Variants in STPG2 observed in about 807,000 individuals in gnomAD.
STPG2 encodes the protein sperm tail PG-rich repeat containing 2, also known as sperm-tail PG-rich repeat-containing protein 2.
A neutral mutation model predicts 54.2 loss-of-function variants in STPG2; 56 were observed. That is an observed-to-expected ratio of 1.03 (90% CI 0.83 to 1.29). The LOEUF (loss-of-function observed/expected upper bound fraction) is 1.29. STPG2 is among the 50% of genes most tolerant of loss of function. The probability of loss-of-function intolerance (pLI) is 0.00; values close to 1 mark genes in which losing one functional copy is unlikely to be tolerated. For missense variants in STPG2, 596 were observed against 544.9 expected, an observed-to-expected ratio of 1.09 and a Z score of -0.93; for synonymous variants, 200 against 181.8, an observed-to-expected ratio of 1.10 and a Z score of -0.81.
chr4:97,878,827 A>G (rs1730269672), intron 8 of STPG2, among the ~76,000 whole-genome samples: 1 of 152,210 alleles, frequency 6.6e-6, no homozygotes, highest in East Asian at 1.9e-4. Context: ...TCTCCTCAGA[A>G]AATGGGTTTT....
intron 9 of STPG2, among the ~76,000 whole-genome samples, chr4:97,775,825 A>T (rs531596797): frequency 6.6e-6 from 1 of 152,188 alleles, no homozygotes; most frequent in Non-Finnish European, 1.5e-5. Context: ...TCAGTGGCAC[A>T]GTCTTGGCTC....
rs536969536 is a variant in STPG2 at position 97,551,422 on chromosome 4, G to A, written c.462+161277C>T. 3.3e-5 allele frequency among the ~76,000 whole-genome samples: 5 copies of A among 152,290 alleles called. No homozygotes were observed. In the East Asian group the frequency reaches 9.7e-4, roughly 29 times the overall value. On this transcript the variant is annotated intron_variant, in intron 4 of 4. Transcript: ENST00000522676. The stretch of plus-strand genomic sequence containing the variant: ...TAGTAACTAAAGATATTTTGAAACT[G>A]AGTAATGTGTACAAAGCTCTATCTA...
At chr4:97,475,612 C>A (rs1442186779) in intron 4 of STPG2, among the ~76,000 whole-genome samples, 1 of 151,990 alleles carries the variant, frequency 6.6e-6, no homozygotes, top group African/African-American at 2.4e-5. Context: ...ACAGGTCCTA[C>A]ATGGGTTTTC....
At chr4:97,598,325 A>G (rs1427613378) in intron 10 of STPG2, among the ~76,000 whole-genome samples, 1 of 152,176 alleles carries the variant, frequency 6.6e-6, no homozygotes, top group Non-Finnish European at 1.5e-5. Flanking sequence ...AGCAGTTTAT[A>G]GATTCAACAC....
At chr4:97,716,007 A>C (rs1410784187) in intron 9 of STPG2, among the ~76,000 whole-genome samples, 1 of 152,240 alleles carries the variant, frequency 6.6e-6, no homozygotes, top group Non-Finnish European at 1.5e-5. Flanking sequence ...AGAAAAAAAT[A>C]ACCCTGTCAA....
chr4:97,879,979 T>C (rs1181756934), intron 8 of STPG2, among the ~76,000 whole-genome samples: 1 of 152,198 alleles, frequency 6.6e-6, no homozygotes, highest in Non-Finnish European at 1.5e-5. Flanking sequence ...AATGGTTATG[T>C]TGAAGAAATA....
intron 5 of STPG2, among the ~76,000 whole-genome samples, chr4:97,985,371 A>G (rs1241506178): frequency 3.3e-5 from 5 of 152,208 alleles, no homozygotes; most frequent in Admixed American, 2.0e-4. Flanking sequence ...AATTCCTCAG[A>G]TGTTTTTAAT....
intron 10 of STPG2, among the ~76,000 whole-genome samples, chr4:97,592,360 A>G (rs1733167259): frequency 6.6e-6 from 1 of 152,122 alleles, no homozygotes; most frequent in Admixed American, 6.6e-5. Flanking sequence ...GATTATACAC[A>G]TTTTTTTATA....
At chr4:97,965,455 A>G (rs1734062905) in intron 7 of STPG2, among the ~76,000 whole-genome samples, 1 of 152,194 alleles carries the variant, frequency 6.6e-6, no homozygotes, top group African/African-American at 2.4e-5. Flanking sequence ...TGCAGACTTA[A>G]ATGTCCCTGT....
At chr4:97,726,379 C>T (rs1724625724) in intron 9 of STPG2, among the ~76,000 whole-genome samples, 2 of 151,806 alleles carry the variant, frequency 1.3e-5, no homozygotes, top group Non-Finnish European at 2.9e-5. Context: ...ATGAAGCACA[C>T]AATGTGAATG....
intron 5 of STPG2, among the ~76,000 whole-genome samples, chr4:98,011,192 T>C (rs1158262977): frequency 6.6e-6 from 1 of 152,194 alleles, no homozygotes; most frequent in African/African-American, 2.4e-5. Flanking sequence ...CTCCTGTTTA[T>C]GAGTGAGAAC....
chr4:97,781,911 T>C (rs1726639861), intron 9 of STPG2, among the ~76,000 whole-genome samples: 1 of 152,244 alleles, frequency 6.6e-6, no homozygotes, highest in South Asian at 2.1e-4. Flanking sequence ...CTCAAGAAAT[T>C]AGGTATTGAT....
chr4:97,915,639 G>T (rs1249840249), intron 8 of STPG2, among the ~76,000 whole-genome samples: 1 of 152,058 alleles, frequency 6.6e-6, no homozygotes, highest in African/African-American at 2.4e-5. Flanking sequence ...GTTTGACAGA[G>T]ATAGAGGGTG....
chr4:97,929,588 A>G (rs1732466494), intron 8 of STPG2, among the ~76,000 whole-genome samples: 1 of 152,086 alleles, frequency 6.6e-6, no homozygotes, highest in Non-Finnish European at 1.5e-5. Context: ...GTCAGATGGT[A>G]TCTCAGTATA....
At chr4:97,763,599 G>C (rs181954527) in intron 9 of STPG2, among the ~76,000 whole-genome samples, 1 of 151,964 alleles carries the variant, frequency 6.6e-6, no homozygotes, top group Non-Finnish European at 1.5e-5. Context: ...CCTATTGTCC[G>C]GGCATCATTA....
intron 10 of STPG2, among the ~76,000 whole-genome samples, chr4:97,671,387 G>C (rs746463971): frequency 6.6e-6 from 1 of 152,138 alleles, no homozygotes; most frequent in Non-Finnish European, 1.5e-5. Context: ...ACATATGTAG[G>C]CCTCGTATTT....
chr4:98,089,592 T>C (rs1161656890), intron 5 of STPG2, among the ~76,000 whole-genome samples: 2 of 152,132 alleles, frequency 1.3e-5, no homozygotes, highest in African/African-American at 4.8e-5. Context: ...CTGGATTGAA[T>C]GGTAGTTCTA....
chr4:98,043,086 C>T (rs1032045143), intron 5 of STPG2, among the ~76,000 whole-genome samples: 5 of 151,952 alleles, frequency 3.3e-5, no homozygotes, highest in African/African-American at 9.7e-5. Flanking sequence ...TGTGAAGTAA[C>T]CTTTTAGTCT....
At chr4:97,671,532 G>A (rs1005129097) in intron 10 of STPG2, among the ~76,000 whole-genome samples, 28 of 152,192 alleles carry the variant, frequency 1.8e-4, no homozygotes, top group Non-Finnish European at 2.5e-4. Flanking sequence ...ACAACTAAAT[G>A]TATAGTGTAA....
Sources: allele counts gnomAD v4.1 joint callset (sites outside exome capture counted in the v4.1 genomes callset), GRCh38; gene constraint gnomAD v4.1.1; transcripts MANE v1.5; gene names NCBI Gene and HGNC (gene_info 2026-07-23, HGNC 2026-07-21).